The following PTK2 variants were observed in gnomAD, a reference collection of about 807,000 sequenced individuals.
PTK2 encodes protein tyrosine kinase 2.
In PTK2, 45 loss-of-function variants were observed where a neutral mutation model predicts 150.1. The observed-to-expected ratio is 0.30, with a 90% CI of 0.24 to 0.38. PTK2 has a LOEUF of 0.38. PTK2 is among the 10% of genes least tolerant of loss of function. PTK2 has a pLI of 1.00. For missense variants in PTK2, 919 were observed against 1,307.3 expected (o/e 0.70, Z 4.58); for synonymous variants, 432 against 449.2 (o/e 0.96, Z 0.48).
At chr8:140,686,839 G>T (rs2100020211) in intron 26 of PTK2, 145 bp from the exon 30 acceptor site, 1 of 714,370 alleles carries the variant, frequency 1.4e-6, no homozygotes, top group African/African-American at 1.8e-5. Context: ...AAAAATTCCA[G>T]TGATGATAAA....
chr8:140,936,867 T>TC (rs386414231), intron 1 of PTK2, among the ~76,000 whole-genome samples: 1 of 152,102 alleles, frequency 6.6e-6, no homozygotes. Flanking sequence ...GAACATCTTT[T>TC]TTTTTTAACT....
intron 1 of PTK2, among the ~76,000 whole-genome samples, chr8:140,976,535 G>A (rs2100189311): frequency 6.6e-6 from 1 of 152,180 alleles, no homozygotes; most frequent in Non-Finnish European, 1.5e-5. Flanking sequence ...CCACTGAAAG[G>A]AAAGCAGCTG....
intron 17 of PTK2, among the ~76,000 whole-genome samples, chr8:140,751,433 G>A (rs2100062612): frequency 6.6e-6 from 1 of 151,856 alleles, no homozygotes; most frequent in Non-Finnish European, 1.5e-5. Context: ...CCAAAGTACT[G>A]GGATTACACG....
chr8:140,769,668 A>C, intron 14 of PTK2, 76 bp from the exon 16 acceptor site: 3 of 998,958 alleles, frequency 3.0e-6, no homozygotes, highest in Non-Finnish European at 4.2e-6. Flanking sequence ...AGAAGAGGGA[A>C]GAGAGGGGAA....
At chr8:140,670,361 G>T in intron 29 of PTK2, 1 of 151,012 alleles carries the variant, frequency 6.6e-6, no homozygotes, top group Non-Finnish European at 1.5e-5. Flanking sequence ...GGAGGCTGAG[G>T]CAGGAGAGTC....
At chr8:140,753,428 T>C (rs1408560927) in intron 16 of PTK2, among the ~76,000 whole-genome samples, 1 of 152,204 alleles carries the variant, frequency 6.6e-6, no homozygotes, top group Non-Finnish European at 1.5e-5. Context: ...AGCAGGATAC[T>C]GTGACTGGCG....
At chr8:140,696,233 A>G (rs1253890923) in intron 26 of PTK2, among the ~76,000 whole-genome samples, 1 of 152,218 alleles carries the variant, frequency 6.6e-6, no homozygotes, top group African/African-American at 2.4e-5. Flanking sequence ...AGACAGGAAA[A>G]CAAGTGAGAC....
intron 23 of PTK2, among the ~76,000 whole-genome samples, chr8:140,715,503 A>G (rs1206711420): frequency 3.3e-5 from 5 of 152,118 alleles, no homozygotes; most frequent in Non-Finnish European, 7.4e-5. Context: ...GGGGTTGCCA[A>G]ATCTTTTCTT....
intron 1 of PTK2, among the ~76,000 whole-genome samples, chr8:140,964,547 ATTTTTT>A (rs1025644210): frequency 7.8e-5 from 6 of 76,816 alleles, no homozygotes; most frequent in African/African-American, 1.2e-4. Context: ...GCCCCAGGTA[ATTTTTT>A]TTTTTTTTTT....
chr8:140,888,100 T>G lies in PTK2; in HGVS notation c.195+2443A>C, dbSNP rs150458572. ...TCTTTACTAATCTAATCCTTAAATC[T>G]AAATCCTACAATCCCCACTTCCTGT... On this transcript the variant is annotated intron_variant, in intron 3 of 31. Coordinates refer to ENST00000522684, the Ensembl canonical transcript of PTK2. Among the ~76,000 whole-genome samples the G allele has an allele frequency of 1.8e-3, 278 of 152,312 alleles. 1 individual carries two copies. The highest frequency in any genetic ancestry group is 6.2e-3 in the African/African-American group (257 of 41,568).
intron 26 of PTK2, among the ~76,000 whole-genome samples, chr8:140,690,959 T>C (rs544004723): frequency 6.6e-6 from 1 of 152,312 alleles, no homozygotes; most frequent in Admixed American, 6.5e-5. Flanking sequence ...GGAACAGTAA[T>C]TGTAACCAAC....
At chr8:140,794,669 C>T (rs2100090578) in intron 12 of PTK2, among the ~76,000 whole-genome samples, 1 of 152,184 alleles carries the variant, frequency 6.6e-6, no homozygotes, top group Non-Finnish European at 1.5e-5. Flanking sequence ...TTTTCTTCTG[C>T]CCTCTCATGG....
chr8:140,711,769 C>T (rs897464724), intron 23 of PTK2, among the ~76,000 whole-genome samples: 1 of 152,122 alleles, frequency 6.6e-6, no homozygotes, highest in African/African-American at 2.4e-5. Flanking sequence ...CACCGTGTCT[C>T]CCAATGTCAT....
At chr8:140,961,930 T>G (rs918268913) in intron 1 of PTK2, among the ~76,000 whole-genome samples, 15 of 152,126 alleles carry the variant, frequency 9.9e-5, no homozygotes, top group Non-Finnish European at 1.8e-4. Flanking sequence ...CCTCCTCTTT[T>G]GCAATTTATT....
chr8:140,753,857 T>C (rs899131284), intron 16 of PTK2, among the ~76,000 whole-genome samples: 1 of 152,220 alleles, frequency 6.6e-6, no homozygotes, highest in African/African-American at 2.4e-5. Context: ...TGATGCATAC[T>C]ATATGCTCAG....
rs113504986 is a variant in PTK2, at chr8:140,890,868, GAT to G, written c.-32-101_-32-100del. 4.7e-3 allele frequency: 4,892 copies of G among 1,030,970 alleles called. 139 individuals carry two copies. In the African/African-American group the frequency reaches 0.065, roughly 14 times the overall value. The allele number at this position is 1,030,970 out of a possible 1,614,324, so 63.9% of individuals were successfully genotyped here. ...TATCAAATGTCCTATACTCTCTCTT[GAT>G]ATGTTATATGCGGAAGGAGTCTGAG... is the stretch of plus-strand genomic sequence containing the variant. On this transcript the variant is annotated intron_variant, in intron 2 of 31. Transcript: ENST00000522684.
chr8:140,974,302 T>G (rs1202192719), intron 1 of PTK2, among the ~76,000 whole-genome samples: 1 of 152,198 alleles, frequency 6.6e-6, no homozygotes, highest in Non-Finnish European at 1.5e-5. Context: ...CTGAGGAAAC[T>G]ACACTCATTT....
chr8:140,665,556 G>A (rs1173132459), intron 30 of PTK2, among the ~76,000 whole-genome samples: 7 of 151,952 alleles, frequency 4.6e-5, no homozygotes, highest in South Asian at 2.1e-4. Context: ...TGCCACTTCC[G>A]AGTTGCAGCA....
chr8:140,681,573 C>A (rs142900708), intron 27 of PTK2, among the ~76,000 whole-genome samples: 2 of 152,116 alleles, frequency 1.3e-5, no homozygotes, highest in Middle Eastern at 3.4e-3. Flanking sequence ...GTCAGGAGAT[C>A]GAGACCATCC....
Sources: gnomAD v4.1 joint callset for allele counts (sites outside exome capture counted in the v4.1 genomes callset) on GRCh38, gnomAD v4.1.1 for gene constraint, MANE v1.5 for transcripts, NCBI Gene and HGNC (gene_info 2026-07-23, HGNC 2026-07-21) for gene names.